SYNE1: variants seen among roughly 807,000 people sequenced by gnomAD.
The protein encoded by SYNE1 is spectrin repeat containing nuclear envelope protein 1.
Under a neutral mutation model 1,111.0 loss-of-function variants are expected in SYNE1, and 616 were observed. The observed-to-expected ratio is 0.55, with a 90% CI of 0.52 to 0.59. The LOEUF is 0.59. SYNE1 is among the 20% of genes least tolerant of loss of function. SYNE1 has a pLI of 0.00. For missense variants in SYNE1, 10,006 were observed against 10,417.0 expected (o/e 0.96, Z 1.72); for synonymous variants, 3,855 against 3,825.8 (o/e 1.01, Z -0.28).
chr6:152,451,468 ATTTTTTTTTTTTTT>A (rs145882121), intron 25 of SYNE1, among the ~76,000 whole-genome samples: 78 of 49,828 alleles, frequency 1.6e-3, no homozygotes, highest in Middle Eastern at 0.016. Flanking sequence ...CCTGCACCGT[ATTTTTTTTTTTTTT>A]TTTTTTTTTT....
intron 3 of SYNE1, among the ~76,000 whole-genome samples, chr6:152,575,975 T>C (rs2099495009): frequency 6.6e-6 from 1 of 152,260 alleles, no homozygotes; most frequent in African/African-American, 2.4e-5. Flanking sequence ...GGGAAACGGC[T>C]ATTGCATAAT....
intron 131 of SYNE1, among the ~76,000 whole-genome samples, chr6:152,159,014 C>CA (rs2061905466): frequency 6.6e-6 from 1 of 152,152 alleles, no homozygotes; most frequent in Non-Finnish European, 1.5e-5. Context: ...TGCAGTGGCA[C>CA]AATCTCGGCT....
chr6:152,154,957 C>A lies in SYNE1; in HGVS notation c.24064G>T (p.Ala8022Ser). 6.2e-7 allele frequency: 1 copy of A among 1,614,216 alleles called. No homozygotes were observed. Among genetic ancestry groups the A allele is most frequent in the Non-Finnish European group, 8.5e-7 (1 of 1,180,032 alleles). The stretch of plus-strand genomic sequence containing the variant: ...ACCCCAGAAGAGCTGGGAAAAGCAG[C>A]TGTCCTTTCTGAAGACTTCAGCCAA... ...EDWLKSSERT[A>S]AFPSSSGVIY... The change falls in exon 133 of 146, where the codon GCT becomes TCT. Residue 8022 changes from alanine to serine, a missense_variant. By Grantham distance (99) the Ala-to-Ser change is moderately conservative (BLOSUM62 1). Transcript: ENST00000367255.
Position 152,294,138 on chromosome 6 carries a change from A to C in SYNE1, c.17683-11T>G. 1 of 1,613,032 alleles carries C rather than the reference A, an allele frequency of 6.2e-7. No individual in the cohort carries two copies. The highest frequency in any genetic ancestry group is 1.3e-5 in the African/African-American group (1 of 75,016). On this transcript the variant is annotated splice_polypyrimidine_tract_variant and intron_variant, in intron 93 of 145. Coordinates refer to ENST00000367255, the MANE Select transcript of SYNE1 (RefSeq NM_182961.4). ...GTAATATGCAATGTCCTGTGAGTGCAAAGCACAGTATTGAATTAAACAAAA... is the reference window on the plus strand; with the variant it reads ...GTAATATGCAATGTCCTGTGAGTGCCAAGCACAGTATTGAATTAAACAAAA...
chr6:152,475,516 G>C (rs1271745383), intron 14 of SYNE1, among the ~76,000 whole-genome samples: 1 of 152,128 alleles, frequency 6.6e-6, no homozygotes, highest in Non-Finnish European at 1.5e-5. Flanking sequence ...CCACTGTAAA[G>C]TCAAAAATTG....
chr6:152,319,507 A>G (rs943622758), intron 84 of SYNE1, among the ~76,000 whole-genome samples: 9 of 152,242 alleles, frequency 5.9e-5, no homozygotes, highest in African/African-American at 1.9e-4. Flanking sequence ...GCTCTATAGT[A>G]TGCCAACCAA....
chr6:152,563,167 T>G (rs1021590717), intron 3 of SYNE1, among the ~76,000 whole-genome samples: 10 of 152,118 alleles, frequency 6.6e-5, no homozygotes, highest in Non-Finnish European at 2.9e-5. Context: ...ATTGTTTTTA[T>G]CATATCTCAC....
At chr6:152,289,917 C>T (rs758100155) in intron 95 of SYNE1, among the ~76,000 whole-genome samples, 136 of 142,726 alleles carry the variant, frequency 9.5e-4, no homozygotes, top group South Asian at 3.1e-3. Context: ...TGAGCTACCG[C>T]GCCCAGCCTT....
rs371464907 is a variant in SYNE1 at position 152,433,766 on chromosome 6, A to T, written c.4461+29T>A. ...AGTAGTTCTTAAAAGCTAGACATGG[A>T]TTATAAATATAATGTGTGAGCAGGT... On this transcript the variant is annotated intron_variant, in intron 34 of 145. Coordinates refer to ENST00000367255, the MANE Select transcript of SYNE1 (RefSeq NM_182961.4). 75 of 1,613,156 alleles carry T rather than the reference A, an allele frequency of 4.6e-5. No homozygotes were observed. The African/African-American group carries it at 9.2e-4, about 20-fold the overall frequency.
chr6:152,131,461 G>A (rs2055624457), intron 144 of SYNE1, among the ~76,000 whole-genome samples: 2 of 151,812 alleles, frequency 1.3e-5, no homozygotes, highest in African/African-American at 4.8e-5. Flanking sequence ...TAATCATAAA[G>A]CTGGACAAAA....
intron 66 of SYNE1, among the ~76,000 whole-genome samples, chr6:152,356,560 C>A (rs1053966261): frequency 6.8e-6 from 1 of 147,656 alleles, no homozygotes; most frequent in Non-Finnish European, 1.5e-5. Flanking sequence ...AATATATAAA[C>A]TATATATATG....
At chr6:152,309,450 A>G (rs1438362175) in intron 90 of SYNE1, among the ~76,000 whole-genome samples, 2 of 152,214 alleles carry the variant, frequency 1.3e-5, no homozygotes, top group Non-Finnish European at 2.9e-5. Flanking sequence ...AAATGGATTT[A>G]ATGCTTTAAT....
At chr6:152,186,354 G>T (rs1284812474) in intron 128 of SYNE1, among the ~76,000 whole-genome samples, 2 of 151,684 alleles carry the variant, frequency 1.3e-5, no homozygotes, top group African/African-American at 4.8e-5. Context: ...GTCGGGAGTT[G>T]GAGACCAGCC....
chr6:152,449,228 CATG>C (rs759602165), intron 28 of SYNE1, among the ~76,000 whole-genome samples: 3 of 152,142 alleles, frequency 2.0e-5, no homozygotes, highest in Non-Finnish European at 2.9e-5. Flanking sequence ...TCTTGTTTTC[CATG>C]ATGATTCTTA....
At chr6:152,256,458 A>G (rs1328253867) in intron 102 of SYNE1, among the ~76,000 whole-genome samples, 176 bp downstream of exon 102, 1 of 151,614 alleles carries the variant, frequency 6.6e-6, no homozygotes, top group Non-Finnish European at 1.5e-5. Context: ...AAATAAATAA[A>G]TAAATAAATA....
chr6:152,326,208 C>T (rs548459346), intron 79 of SYNE1, 88 bp downstream of exon 79: 27 of 1,611,004 alleles, frequency 1.7e-5, no homozygotes, highest in African/African-American at 9.3e-5. Flanking sequence ...AATGAATTTA[C>T]GTGCTAATGT....
chr6:152,602,678 A>C (rs958279563), intron 3 of SYNE1, among the ~76,000 whole-genome samples: 5 of 152,236 alleles, frequency 3.3e-5, no homozygotes, highest in African/African-American at 4.8e-5. Flanking sequence ...TTTCTGGAAC[A>C]AGTAGGGTAT....
chr6:152,391,322 A>C lies in SYNE1; in HGVS notation c.7959T>G (p.Thr2653=), dbSNP rs1281382839. Residue 2653 remains threonine, a synonymous_variant, in exon 52 of 146, where the codon ACT becomes ACG. Coordinates refer to ENST00000367255, the MANE Select transcript of SYNE1 (RefSeq NM_182961.4). ...TCTCCAGGGTGTCTTTGCTCCCAAGAGTGCTCTCTGCACAGGCCAGTCTGT... is the reference window on the plus strand; with the variant it reads ...TCTCCAGGGTGTCTTTGCTCCCAAGCGTGCTCTCTGCACAGGCCAGTCTGT... ...IQDRLACAES[T]LGSKDTLEKR... The C allele has an allele frequency of 6.2e-7, 1 of 1,613,988 alleles. No individual in the cohort carries two copies. The highest frequency in any genetic ancestry group is 8.5e-7 in the Non-Finnish European group (1 of 1,180,010).
In SYNE1 at chr6:152,330,481, T is replaced by C. The variant is rs780911809; in HGVS notation, c.14204A>G (p.Gln4735Arg). Residue 4735 changes from glutamine to arginine, a missense_variant, in exon 78 of 146, where the codon CAG (glutamine) becomes CGG (arginine). Gln to Arg is a conservative substitution (Grantham distance 43). This residue lies in a region of SYNE1 where 4,955 missense variants were observed against 5,017.2 expected (regional missense o/e 0.99). Transcript: ENST00000367255. Reference sequence around the variant, plus strand: ...TGTGCTGCGAAAACCTTCTTTTTTCTGGTTCAGTTCATCCACCGCCTCCCC... The same window carrying C: ...TGTGCTGCGAAAACCTTCTTTTTTCCGGTTCAGTTCATCCACCGCCTCCCC... ...GLGEAVDELN[Q>R]KKEGFRSTGQ... The C allele has an allele frequency of 1.2e-6, 2 of 1,614,156 alleles. No homozygotes were observed. Among genetic ancestry groups the C allele is most frequent in the East Asian group, 2.2e-5 (1 of 44,884 alleles).
Sources: gnomAD v4.1 joint callset for allele counts (sites outside exome capture counted in the v4.1 genomes callset) on GRCh38, gnomAD v4.1.1 for gene constraint, gnomAD v4.1.1 regional missense constraint, MANE v1.5 for transcripts, NCBI Gene and HGNC (gene_info 2026-07-23, HGNC 2026-07-21) for gene names.